The following DNAH17 variants were observed in gnomAD, a reference collection of about 807,000 sequenced individuals.
The protein encoded by DNAH17 is dynein axonemal heavy chain 17.
DNAH17 carries 376 observed loss-of-function variants against 485.6 expected under a neutral mutation model. The ratio of observed to expected loss-of-function variants is 0.77; its 90% CI spans 0.71 to 0.84. The LOEUF (loss-of-function observed/expected upper bound fraction) is 0.84. Ranked by LOEUF, DNAH17 falls within the 40% of genes least tolerant of loss-of-function variation. The pLI is 0.00. For missense variants in DNAH17, 6,370 were observed against 5,839.3 expected, an observed-to-expected ratio of 1.09 and a Z score of -2.96; for synonymous variants, 3,031 against 2,405.9, an observed-to-expected ratio of 1.26 and a Z score of -7.60.
chr17:78,525,264 A>G (rs1345008833), intron 24 of DNAH17, 103 bp from the exon 25 acceptor site: 1 of 1,469,482 alleles, frequency 6.8e-7, no homozygotes, highest in Non-Finnish European at 9.1e-7. Context: ...CCTCCCTGAT[A>G]AACCTTCTGG....
chr17:78,513,207 G>A (rs187921998), intron 26 of DNAH17, among the ~76,000 whole-genome samples: 1 of 152,186 alleles, frequency 6.6e-6, no homozygotes, highest in African/African-American at 2.4e-5. Context: ...CTCCCTTTGG[G>A]ATTCAGGCAC....
chr17:78,454,798 C>T (rs1024720499), intron 63 of DNAH17, 93 bp from the exon 64 acceptor site: 261 of 1,148,738 alleles, frequency 2.3e-4, no homozygotes, highest in Non-Finnish European at 2.8e-4. Flanking sequence ...TCTGGTGCTG[C>T]GGTTAGGGGT....
chr17:78,456,939 C>T (rs59227403), intron 62 of DNAH17, among the ~76,000 whole-genome samples: 4,382 of 152,340 alleles, frequency 0.029, 88 homozygotes, highest in Middle Eastern at 0.082. Flanking sequence ...CAGCCCCAGG[C>T]TCTGCTGAGG....
rs1038975932 is a variant in DNAH17, at chr17:78,490,568, C to T, written c.6818+131G>A. On this transcript the variant is annotated intron_variant, in intron 44 of 80. Transcript: ENST00000389840. ...CTCTCACCCCTTCACTGCTGTGACA[C>T]TGGTGCCTGGTGAGGGCCTGATACA... The T allele has an allele frequency of 7.2e-5, 94 of 1,314,370 alleles. No individual in the cohort carries two copies. The South Asian group carries it at 1.4e-3, about 19-fold the overall frequency. The allele number at this position is 1,314,370 out of a possible 1,614,324, so 81.4% of individuals were successfully genotyped here.
Position 78,444,713 on chromosome 17 carries a change from C to A in DNAH17, c.11419G>T (p.Glu3807Ter). The A allele has an allele frequency of 6.2e-7, 1 of 1,606,888 alleles. No homozygotes were observed. The highest frequency in any genetic ancestry group is 8.5e-7 in the Non-Finnish European group (1 of 1,177,824). The change falls in exon 71 of 81, where the codon GAA becomes TAA. Residue 3807 changes from glutamate to a stop codon, truncating the protein, a stop_gained. Coordinates refer to ENST00000389840, the MANE Select transcript of DNAH17 (RefSeq NM_173628.4). LOFTEE classifies it high-confidence loss of function. Reference sequence around the variant, plus strand: ...GGGAAGATCTCCTTCTCGGGGGCTTCCGACTCCACCAGCTTTTTCCAGCGC... The same window carrying A: ...GGGAAGATCTCCTTCTCGGGGGCTTACGACTCCACCAGCTTTTTCCAGCGC... ...AKRWKKLVES[E>*]APEKEIFPKE...
rs746154906 is a variant in DNAH17, at chr17:78,451,513, C to T, written c.10690G>A (p.Ala3564Thr). ...TRDGLEDQLL[A>T]AVVAKERPDL... ...GGGCGCTCTTTGGCCACCACAGCGG[C>T]CAAGAGTTGGTCCTCGAGTCCATCC... is the stretch of plus-strand genomic sequence containing the variant. The change falls in exon 66 of 81, where the codon GCC (alanine) becomes ACC (threonine). Residue 3564 changes from alanine (A) to threonine (T), a missense_variant. Transcript: ENST00000389840. 2 of 1,613,712 alleles carry T rather than the reference C, an allele frequency of 1.2e-6. No homozygotes were observed. Among genetic ancestry groups the T allele is most frequent in the Admixed American group, 3.3e-5 (2 of 59,986 alleles).
chr17:78,561,826 A>G lies in DNAH17; in HGVS notation c.1724T>C (p.Ile575Thr). Residue 575 changes from isoleucine (I) to threonine (T), a missense_variant, in exon 12 of 81, where the codon ATC (isoleucine) becomes ACC (threonine). Coordinates refer to ENST00000389840, the MANE Select transcript of DNAH17 (RefSeq NM_173628.4). ...AGGCATGTTTTTGTGGATCAGGGGG[A>G]TGTTCCCCTCCTCGGAGGCCGCCAT... ...AQMAASEEGN[I>T]PLIHKNMPPV... 1 of 1,613,766 alleles carries G rather than the reference A, an allele frequency of 6.2e-7. No individual in the cohort carries two copies. The highest frequency in any genetic ancestry group is 8.5e-7 in the Non-Finnish European group (1 of 1,179,810).
At position 78,485,545 on chromosome 17, in the gene DNAH17, C is replaced by T. The variant is rs370781584; in HGVS notation, c.7483+5G>A. On this transcript the variant is annotated splice_donor_5th_base_variant and intron_variant, in intron 47 of 80. Transcript: ENST00000389840. ...GTAGGCAGGGCGTGGCCGGACCAGC[C>T]TCACCCTGCAGCATGGCTGAGGTCG... is the stretch of plus-strand genomic sequence containing the variant. 1.8e-4 allele frequency: 293 copies of T among 1,600,306 alleles called. 2 individuals are homozygous for T. The African/African-American group carries it at 3.3e-3, about 18-fold the overall frequency.
chr17:78,455,686 C>T lies in DNAH17; in HGVS notation c.10128G>A (p.Glu3376=), dbSNP rs1467378304. Reference sequence around the variant, plus strand: ...AAGGGATCCAGAATTTCTCCATCAGCTCATTCCGGTATTTCTTGGTGAAGT... The same window carrying T: ...AAGGGATCCAGAATTTCTCCATCAGTTCATTCCGGTATTTCTTGGTGAAGT... ...VGYFTKKYRN[E]LMEKFWIPYI... The change falls in exon 63 of 81, where the codon GAG becomes GAA. Residue 3376 remains glutamate (E), a synonymous_variant. Transcript: ENST00000389840. The T allele has an allele frequency of 6.3e-7, 1 of 1,577,318 alleles. No individual in the cohort carries two copies. Among genetic ancestry groups the T allele is most frequent in the Non-Finnish European group, 8.6e-7 (1 of 1,162,024 alleles).
intron 40 of DNAH17, 67 bp downstream of exon 40, chr17:78,494,526 A>G (rs1176361489): frequency 8.6e-6 from 13 of 1,518,412 alleles, no homozygotes; most frequent in Non-Finnish European, 1.2e-5. Context: ...CCCGTCCAAC[A>G]TCAGTGGGAA....
In DNAH17 at chr17:78,569,524, G is replaced by T. The variant is rs371400048; in HGVS notation, c.1048C>A (p.Arg350=). 6.2e-7 allele frequency: 1 copy of T among 1,603,668 alleles called. No homozygotes were observed. Among genetic ancestry groups the T allele is most frequent in the Non-Finnish European group, 8.5e-7 (1 of 1,175,258 alleles). The change falls in exon 8 of 81, where the codon CGA becomes AGA. Residue 350 remains arginine, a synonymous_variant. Coordinates refer to ENST00000389840, the MANE Select transcript of DNAH17 (RefSeq NM_173628.4). ...EFCNQIIEMT[R]TFLSPEEVLK... Reference sequence around the variant, plus strand: ...ACCTCTTCCGGGCTCAGGAAGGTTCGTGTCTGGGCAAAAGAGAAGACAGAC... The same window carrying T: ...ACCTCTTCCGGGCTCAGGAAGGTTCTTGTCTGGGCAAAAGAGAAGACAGAC...
intron 2 of DNAH17, 114 bp downstream of exon 2, chr17:78,574,599 C>CGG (rs893987224): frequency 1.2e-5 from 11 of 906,806 alleles, no homozygotes; most frequent in Non-Finnish European, 1.8e-5. Context: ...AATCCCTCCC[C>CGG]GGCTCTGCAG....
At position 78,424,148 on chromosome 17, in the gene DNAH17, G is replaced by C. The variant is rs201682545; in HGVS notation, c.13147C>G (p.Arg4383Gly). The stretch of plus-strand genomic sequence containing the variant: ...ATGACTCCAGTCTGGGTGTCCCAGC[G>C]AGCCCCTGCAGGGACAGTATGGCTG... ...YVYGLFMEGA[R>G]WDTQTGVIAE... The change falls in exon 81 of 81, where the codon CGC (arginine) becomes GGC (glycine). Residue 4383 changes from arginine to glycine, a missense_variant. By Grantham distance (125) the Arg-to-Gly change is moderately radical (BLOSUM62 -2). Coordinates refer to ENST00000389840, the MANE Select transcript of DNAH17 (RefSeq NM_173628.4). 2.5e-6 allele frequency: 4 copies of C among 1,610,516 alleles called. No individual in the cohort carries two copies. The Admixed American group carries it at 5.0e-5, about 20-fold the overall frequency.
At chr17:78,496,346 A>G (rs1024964686) in intron 37 of DNAH17, among the ~76,000 whole-genome samples, 1 of 131,576 alleles carries the variant, frequency 7.6e-6, no homozygotes, top group East Asian at 2.3e-4. Context: ...AAAAATACAA[A>G]AGACAGTGAT....
chr17:78,495,021 G>T lies in DNAH17; in HGVS notation c.5980C>A (p.Arg1994Ser). The T allele has an allele frequency of 6.2e-7, 1 of 1,612,586 alleles. No individual in the cohort carries two copies. The highest frequency in any genetic ancestry group is 8.5e-7 in the Non-Finnish European group (1 of 1,179,324). ...MLMAEGFLEA[R>S]LLARKFITLY... ...GTGATGAACTTCCTGGCCAGAAGGC[G>T]GGCTTCCAGAAAGCCCTCGGCCATG... is the stretch of plus-strand genomic sequence containing the variant. The change falls in exon 39 of 81, where the codon CGC (arginine) becomes AGC (serine). Residue 1994 changes from arginine (R) to serine (S), a missense_variant. Arg to Ser is a moderately radical substitution (Grantham distance 110, BLOSUM62 -1). Transcript: ENST00000389840.
intron 25 of DNAH17, among the ~76,000 whole-genome samples, chr17:78,516,189 G>C (rs1399419793): frequency 6.6e-6 from 1 of 152,222 alleles, no homozygotes; most frequent in Non-Finnish European, 1.5e-5. Context: ...GCAGGTTCGA[G>C]ATTACCCTGC....
chr17:78,475,362 GCT>G lies in DNAH17; in HGVS notation c.8425_8426del (p.Ser2809ProfsTer12). 1 of 1,613,986 alleles carries G rather than the reference GCT, an allele frequency of 6.2e-7. No homozygotes were observed. The highest frequency in any genetic ancestry group is 1.6e-4 in the Middle Eastern group (1 of 6,062). On this transcript the variant is annotated frameshift_variant, in exon 54 of 81. Coordinates refer to ENST00000389840, the MANE Select transcript of DNAH17 (RefSeq NM_173628.4). LOFTEE classifies it high-confidence loss of function. ...LVGVGGSGKQ[S>X]LSRLAAYISG... ...TGATGTACGCTGCCAGGCGGGAGAGGCTCTGTTTGCCACTGCCGCCCACCCCC... is the reference window on the plus strand; with the variant it reads ...TGATGTACGCTGCCAGGCGGGAGAGGCTGTTTGCCACTGCCGCCCACCCCC...
intron 30 of DNAH17, 94 bp downstream of exon 30, chr17:78,506,626 C>G: frequency 6.4e-7 from 1 of 1,568,704 alleles, no homozygotes. Context: ...TCCAAGGACA[C>G]TTACCCCACC....
intron 31 of DNAH17, 158 bp from the exon 32 acceptor site, chr17:78,503,169 CTTTTTTTTTTTTTTTTT>C (rs397856727): frequency 1.6e-5 from 2 of 127,606 alleles, no homozygotes; most frequent in Middle Eastern, 2.8e-3. Flanking sequence ...AGTGACACAC[CTTTTTTTTTTTTTTTTT>C]TTTTTTTTTT....
Sources: gnomAD v4.1 joint callset for allele counts (sites outside exome capture counted in the v4.1 genomes callset) on GRCh38, gnomAD v4.1.1 for gene constraint, MANE v1.5 for transcripts, NCBI Gene and HGNC (gene_info 2026-07-23, HGNC 2026-07-21) for gene names.